The following MALRD1 variants were observed in gnomAD, a reference collection of about 807,000 sequenced individuals.
The protein encoded by MALRD1 is MAM and LDL-receptor class A domain-containing protein 1.
Under a neutral mutation model 242.1 loss-of-function variants are expected in MALRD1, and 247 were observed. That is an observed-to-expected ratio of 1.02 (90% CI 0.92 to 1.13). The LOEUF (loss-of-function observed/expected upper bound fraction) is 1.13. Among genes scored for constraint, MALRD1 ranks in the 50% most tolerant of loss-of-function variants. The pLI is 0.00. For missense variants in MALRD1, 2,989 were observed against 2,533.1 expected (o/e 1.18, Z -3.86); for synonymous variants, 995 against 866.6 (o/e 1.15, Z -2.60).
intron 18 of MALRD1, among the ~76,000 whole-genome samples, chr10:19,241,068 G>A (rs1838747445): frequency 6.6e-6 from 1 of 151,982 alleles, no homozygotes; most frequent in South Asian, 2.1e-4. Flanking sequence ...AAGATATTGC[G>A]AGCCTCATAA....
intron 36 of MALRD1, among the ~76,000 whole-genome samples, chr10:19,616,208 C>T (rs972546619): frequency 5.3e-5 from 8 of 151,834 alleles, no homozygotes; most frequent in African/African-American, 1.9e-4. Flanking sequence ...TTATTTCTAT[C>T]AGGTTTTTAA....
At chr10:19,083,206 A>G (rs1017363166) in intron 2 of MALRD1, among the ~76,000 whole-genome samples, 2 of 151,980 alleles carry the variant, frequency 1.3e-5, no homozygotes, top group African/African-American at 4.8e-5. Context: ...ATAAATCTCT[A>G]TGTTTTGCTG....
chr10:19,179,865 C>T (rs1011604351), intron 14 of MALRD1, among the ~76,000 whole-genome samples: 2 of 151,898 alleles, frequency 1.3e-5, no homozygotes, highest in African/African-American at 2.4e-5. Context: ...TATATTTTTC[C>T]ACCTTTAAGA....
At chr10:19,697,645 C>T (rs1208215265) in intron 38 of MALRD1, among the ~76,000 whole-genome samples, 1 of 152,174 alleles carries the variant, frequency 6.6e-6, no homozygotes, top group Non-Finnish European at 1.5e-5. Flanking sequence ...TCATGTTGAA[C>T]AGCCTATCAT....
chr10:19,157,777 T>C (rs1021097730), intron 12 of MALRD1, among the ~76,000 whole-genome samples: 4 of 152,212 alleles, frequency 2.6e-5, no homozygotes, highest in Admixed American at 2.0e-4. Flanking sequence ...GGTTTTTTTT[T>C]CCTACATAAT....
At chr10:19,701,588 G>A (rs552829629) in intron 38 of MALRD1, among the ~76,000 whole-genome samples, 2 of 152,074 alleles carry the variant, frequency 1.3e-5, no homozygotes, top group South Asian at 4.2e-4. Flanking sequence ...AACTTAAGTA[G>A]CAAAAGATGA....
At chr10:19,406,654 G>A (rs1847125254) in intron 28 of MALRD1, among the ~76,000 whole-genome samples, 1 of 152,050 alleles carries the variant, frequency 6.6e-6, no homozygotes, top group Admixed American at 6.6e-5. Flanking sequence ...AAACGAAAAT[G>A]TTTGTTTTTA....
chr10:19,219,758 C>G (rs141279832), intron 18 of MALRD1, among the ~76,000 whole-genome samples: 2 of 152,272 alleles, frequency 1.3e-5, no homozygotes, highest in African/African-American at 2.4e-5. Context: ...TTCTAACATA[C>G]TTCTCATTTT....
chr10:19,487,786 G>A (rs1837301309), intron 29 of MALRD1, among the ~76,000 whole-genome samples: 1 of 152,152 alleles, frequency 6.6e-6, no homozygotes, highest in African/African-American at 2.4e-5. Flanking sequence ...TCTTGTTAAT[G>A]CCCATAATTG....
At chr10:19,624,960 A>G (rs1444872706) in intron 36 of MALRD1, among the ~76,000 whole-genome samples, 1 of 151,600 alleles carries the variant, frequency 6.6e-6, no homozygotes, top group Admixed American at 6.6e-5. Flanking sequence ...CTAGCACTTC[A>G]GAGGCAGAAG....
intron 21 of MALRD1, among the ~76,000 whole-genome samples, chr10:19,298,598 A>G (rs1022678621): frequency 1.3e-5 from 2 of 152,056 alleles, no homozygotes; most frequent in African/African-American, 4.8e-5. Context: ...CTGAACTGTA[A>G]GAGAAGAGAA....
At chr10:19,078,631 C>G (rs1458471665) in intron 2 of MALRD1, among the ~76,000 whole-genome samples, 1 of 151,750 alleles carries the variant, frequency 6.6e-6, no homozygotes, top group Non-Finnish European at 1.5e-5. Flanking sequence ...GTATAATTTA[C>G]TAGTAAGCCT....
intron 14 of MALRD1, among the ~76,000 whole-genome samples, chr10:19,192,803 A>C (rs112728128): frequency 7.9e-5 from 12 of 152,236 alleles, no homozygotes; most frequent in African/African-American, 2.7e-4. Flanking sequence ...CCTGGGTATC[A>C]ATAGAAAACA....
At chr10:19,414,869 C>T (rs558368894) in intron 28 of MALRD1, among the ~76,000 whole-genome samples, 1 of 152,212 alleles carries the variant, frequency 6.6e-6, no homozygotes, top group African/African-American at 2.4e-5. Flanking sequence ...AAAAGAGAGT[C>T]ATATTGTGCA....
chr10:19,722,832 G>A (rs1325483271), intron 38 of MALRD1, among the ~76,000 whole-genome samples: 1 of 151,860 alleles, frequency 6.6e-6, no homozygotes, highest in Non-Finnish European at 1.5e-5. Context: ...CTTGTGATAA[G>A]CATTTTTATA....
At chr10:19,110,424 A>C (rs1564397842) in intron 5 of MALRD1, among the ~76,000 whole-genome samples, 1 of 152,218 alleles carries the variant, frequency 6.6e-6, no homozygotes, top group Non-Finnish European at 1.5e-5. Context: ...TATATGCTAC[A>C]TTTAAAAGTA....
chr10:19,589,107 A>C (rs563746216), intron 33 of MALRD1, among the ~76,000 whole-genome samples: 5 of 152,224 alleles, frequency 3.3e-5, no homozygotes, highest in Admixed American at 1.3e-4. Context: ...TTAAAAAATT[A>C]AAAGTCTAAG....
At position 19,692,353 on chromosome 10, in the gene MALRD1, C is replaced by T; in HGVS notation, c.6209C>T (p.Ala2070Val). The change falls in exon 37 of 40, where the codon GCT (alanine) becomes GTT (valine). Residue 2070 changes from alanine to valine, a missense_variant. Coordinates refer to ENST00000454679, the MANE Select transcript of MALRD1 (RefSeq NM_001142308.3). ...FNPPATDFTY[A>V]QNNTWTLLGI... Reference sequence around the variant, plus strand: ...CCTCCTGCTACAGACTTCACATACGCTCAGAATAGTAGGTGACATTATGAC... The same window carrying T: ...CCTCCTGCTACAGACTTCACATACGTTCAGAATAGTAGGTGACATTATGAC... 1 of 1,534,940 alleles carries T rather than the reference C, an allele frequency of 6.5e-7. No individual in the cohort carries two copies. The highest frequency in any genetic ancestry group is 8.7e-7 in the Non-Finnish European group (1 of 1,146,086).
At chr10:19,377,973 G>T (rs1041738377) in intron 26 of MALRD1, among the ~76,000 whole-genome samples, 3 of 151,948 alleles carry the variant, frequency 2.0e-5, no homozygotes, top group African/African-American at 4.8e-5. Context: ...CACCATTTTT[G>T]TCAATCAAGA....
Sources: gnomAD v4.1 joint callset for allele counts (sites outside exome capture counted in the v4.1 genomes callset) on GRCh38, gnomAD v4.1.1 for gene constraint, MANE v1.5 for transcripts, NCBI Gene and HGNC (gene_info 2026-07-23, HGNC 2026-07-21) for gene names.